The following ADGRL4 variants were observed in gnomAD, a reference collection of about 807,000 sequenced individuals.
ADGRL4 encodes adhesion G protein-coupled receptor L4.
A neutral mutation model predicts 74.8 loss-of-function variants in ADGRL4; 90 were observed. That is an observed-to-expected ratio of 1.20 (90% CI 1.02 to 1.43). The LOEUF is 1.43. ADGRL4 is among the 40% of genes most tolerant of loss of function. The probability of loss-of-function intolerance (pLI) is 0.00; values close to 1 mark genes in which losing one functional copy is unlikely to be tolerated. For synonymous variants in ADGRL4, 311 were observed against 279.2 expected (o/e 1.11, Z -1.14); for missense variants, 881 against 814.3 (o/e 1.08, Z -1.00).
At chr1:78,999,385 A>G (rs868325338) in intron 2 of ADGRL4, among the ~76,000 whole-genome samples, 1 of 152,162 alleles carries the variant, frequency 6.6e-6, no homozygotes, top group African/African-American at 2.4e-5. Context: ...ATTAAAATGT[A>G]TTATAATCCA....
At chr1:78,898,178 G>A (rs1173387979) in intron 12 of ADGRL4, among the ~76,000 whole-genome samples, 5 of 152,094 alleles carry the variant, frequency 3.3e-5, no homozygotes, top group Admixed American at 2.6e-4. Context: ...TAACCCAGAG[G>A]TGATGACTTG....
chr1:78,932,620 A>T (rs958493098), intron 7 of ADGRL4, among the ~76,000 whole-genome samples: 7 of 119,568 alleles, frequency 5.9e-5, no homozygotes, highest in African/African-American at 2.0e-4. Flanking sequence ...CTCCAAAAAA[A>T]AAAAAAACAA....
chr1:78,933,590 C>A (rs905283158), intron 7 of ADGRL4, among the ~76,000 whole-genome samples: 1 of 151,154 alleles, frequency 6.6e-6, no homozygotes, highest in Non-Finnish European at 1.5e-5. Flanking sequence ...GGCAATCAGG[C>A]AAGAGAAAGA....
intron 12 of ADGRL4, among the ~76,000 whole-genome samples, chr1:78,913,283 C>A (rs1450390792): frequency 6.6e-6 from 1 of 151,916 alleles, no homozygotes; most frequent in Non-Finnish European, 1.5e-5. Flanking sequence ...AATCCCATTA[C>A]TTGGTATATA....
In ADGRL4 at chr1:78,967,727, CACA is replaced by C. The variant is rs371421537; in HGVS notation, c.173-21304_173-21302del. Among the ~76,000 whole-genome samples the C allele has an allele frequency of 2.2e-3, 339 of 151,748 alleles. 1 individual carries two copies. The highest frequency in any genetic ancestry group is 7.1e-3 in the South Asian group (34 of 4,808). ...TGTAAATCAAACATTGAAATAAAAG[CACA>C]ACAAGGATTTCTTAAGTCATTAATC... On this transcript the variant is annotated intron_variant, in intron 2 of 14. Coordinates refer to ENST00000370742, the MANE Select transcript of ADGRL4 (RefSeq NM_022159.4).
intron 2 of ADGRL4, among the ~76,000 whole-genome samples, chr1:79,004,092 C>A (rs1650908480): frequency 6.6e-6 from 1 of 152,000 alleles, no homozygotes; most frequent in Admixed American, 6.6e-5. Flanking sequence ...TCACAAGATA[C>A]AACTTGTTTT....
At chr1:79,000,665 T>C (rs1424157478) in intron 2 of ADGRL4, among the ~76,000 whole-genome samples, 1 of 139,182 alleles carries the variant, frequency 7.2e-6, no homozygotes, top group African/African-American at 2.6e-5. Flanking sequence ...AGAAAAGAGG[T>C]CATATTTCTA....
chr1:78,891,326 T>G, intron 14 of ADGRL4, 110 bp from the exon 15 acceptor site: 1 of 1,275,730 alleles, frequency 7.8e-7, no homozygotes, highest in Non-Finnish European at 1.1e-6. Flanking sequence ...GTATTATAGC[T>G]CAGAATATGT....
At chr1:78,892,620 G>A (rs1272156230) in intron 13 of ADGRL4, among the ~76,000 whole-genome samples, 1 of 152,034 alleles carries the variant, frequency 6.6e-6, no homozygotes, top group Non-Finnish European at 1.5e-5. Context: ...CTACAGGAGT[G>A]TTCCCAAGCA....
chr1:78,960,008 T>C (rs920647347), intron 2 of ADGRL4, among the ~76,000 whole-genome samples: 1 of 152,142 alleles, frequency 6.6e-6, no homozygotes, highest in Non-Finnish European at 1.5e-5. Context: ...CCATTCAAAA[T>C]AACATTTTGA....
intron 12 of ADGRL4, among the ~76,000 whole-genome samples, chr1:78,913,689 G>C (rs1466292855): frequency 6.6e-6 from 1 of 151,798 alleles, no homozygotes; most frequent in Non-Finnish European, 1.5e-5. Context: ...CTTAATACTT[G>C]CATGATGAAA....
intron 2 of ADGRL4, among the ~76,000 whole-genome samples, chr1:78,951,744 A>C (rs572764547): frequency 6.6e-6 from 1 of 152,334 alleles, no homozygotes; most frequent in East Asian, 1.9e-4. Flanking sequence ...ATGCTAGCGT[A>C]GAAAGAGAAT....
chr1:78,890,884 C>G lies in ADGRL4; in HGVS notation c.*270G>C. The G allele has an allele frequency of 2.5e-6, 1 of 400,912 alleles. No individual in the cohort carries two copies. Among genetic ancestry groups the G allele is most frequent in the East Asian group, 4.5e-5 (1 of 22,266 alleles). 24.8% of individuals were successfully genotyped at this position (400,912 alleles called of 1,614,324 possible). A position where few individuals can be genotyped will look rare whatever the true frequency, so the allele number is the denominator to read the frequency against. On this transcript the variant is annotated 3_prime_UTR_variant, in exon 15 of 15. Coordinates refer to ENST00000370742, the MANE Select transcript of ADGRL4 (RefSeq NM_022159.4). ...AATCTTTCCTTGGGTGCAGTGATAT[C>G]ACTCCTGAGAAACCAATTACTTTCC...
chr1:78,956,618 C>G (rs868412364), intron 2 of ADGRL4, among the ~76,000 whole-genome samples: 4 of 152,084 alleles, frequency 2.6e-5, no homozygotes, highest in African/African-American at 9.7e-5. Context: ...TATGCAAAAC[C>G]AGGTTGCTCA....
At chr1:78,900,206 G>C (rs1016192578) in intron 12 of ADGRL4, among the ~76,000 whole-genome samples, 7 of 152,018 alleles carry the variant, frequency 4.6e-5, no homozygotes, top group Non-Finnish European at 5.9e-5. Flanking sequence ...AAGGAAATGG[G>C]GTCTTAGTCC....
intron 2 of ADGRL4, among the ~76,000 whole-genome samples, chr1:78,991,650 G>T (rs972164863): frequency 2.6e-5 from 4 of 151,656 alleles, no homozygotes; most frequent in Non-Finnish European, 5.9e-5. Flanking sequence ...ATATAATATA[G>T]TATATTTAAT....
chr1:78,934,296 A>C (rs1431970029), intron 7 of ADGRL4, among the ~76,000 whole-genome samples: 1 of 152,148 alleles, frequency 6.6e-6, no homozygotes, highest in Admixed American at 6.5e-5. Flanking sequence ...AAAACAAGCA[A>C]AGGGGAAAGG....
intron 12 of ADGRL4, among the ~76,000 whole-genome samples, chr1:78,912,981 T>C (rs528696378): frequency 6.6e-6 from 1 of 151,968 alleles, no homozygotes; most frequent in African/African-American, 2.4e-5. Context: ...ACAAGGGACA[T>C]GAAGAGACAC....
At chr1:78,967,285 T>C (rs1207002283) in intron 2 of ADGRL4, among the ~76,000 whole-genome samples, 1 of 152,212 alleles carries the variant, frequency 6.6e-6, no homozygotes, top group African/African-American at 2.4e-5. Context: ...GAGAACTATC[T>C]GACTTGCCAG....
Sources: gnomAD v4.1 joint callset for allele counts (sites outside exome capture counted in the v4.1 genomes callset) on GRCh38, gnomAD v4.1.1 for gene constraint, MANE v1.5 for transcripts, NCBI Gene and HGNC (gene_info 2026-07-23, HGNC 2026-07-21) for gene names.